Variants in GPC5 observed in about 807,000 individuals in gnomAD.
GPC5 encodes the protein glypican 5, also known as glypican-5.
Under a neutral mutation model 53.9 loss-of-function variants are expected in GPC5, and 47 were observed. The observed-to-expected ratio is 0.87, with a 90% CI of 0.69 to 1.11. GPC5 has a LOEUF of 1.11. Among genes scored for constraint, GPC5 ranks in the 50% most tolerant of loss-of-function variants. The pLI, the probability that GPC5 is intolerant of heterozygous loss-of-function variation, is 0.00. For synonymous variants in GPC5, 286 were observed against 263.3 expected, an observed-to-expected ratio of 1.09 and a Z score of -0.84; for missense variants, 748 against 713.1, an observed-to-expected ratio of 1.05 and a Z score of -0.56.
At chr13:91,811,063 A>T (rs1383059472) in intron 5 of GPC5, among the ~76,000 whole-genome samples, 1 of 151,980 alleles carries the variant, frequency 6.6e-6, no homozygotes, top group Non-Finnish European at 1.5e-5. Context: ...GCCTTCATTA[A>T]ATTTCAAAAT....
chr13:92,187,240 C>T (rs1000151527), intron 7 of GPC5, among the ~76,000 whole-genome samples: 1 of 152,182 alleles, frequency 6.6e-6, no homozygotes, highest in Non-Finnish European at 1.5e-5. Context: ...GAATGGATTG[C>T]AGTAGGTTCT....
At chr13:92,790,550 G>C (rs1226686251) in intron 7 of GPC5, among the ~76,000 whole-genome samples, 1 of 152,084 alleles carries the variant, frequency 6.6e-6, no homozygotes, top group Non-Finnish European at 1.5e-5. Context: ...CTTGTGCGAA[G>C]AATGTAACAT....
At chr13:92,346,512 C>A (rs1179723680) in intron 7 of GPC5, among the ~76,000 whole-genome samples, 2 of 152,146 alleles carry the variant, frequency 1.3e-5, no homozygotes, top group African/African-American at 4.8e-5. Context: ...GGGATTGTCA[C>A]CAACTGGCCT....
chr13:92,083,741 C>G (rs1487250664), intron 6 of GPC5, among the ~76,000 whole-genome samples: 1 of 152,128 alleles, frequency 6.6e-6, no homozygotes, highest in Non-Finnish European at 1.5e-5. Context: ...GCTTCTAGGT[C>G]TTTTAGGAAT....
chr13:92,017,958 A>C (rs2040722201), intron 6 of GPC5, among the ~76,000 whole-genome samples: 1 of 151,690 alleles, frequency 6.6e-6, no homozygotes, highest in African/African-American at 2.4e-5. Flanking sequence ...CACATGCACG[A>C]GTACATACAC....
chr13:91,456,785 G>A (rs1010158453), intron 2 of GPC5, among the ~76,000 whole-genome samples: 4 of 148,522 alleles, frequency 2.7e-5, no homozygotes, highest in Non-Finnish European at 5.9e-5. Flanking sequence ...TGGGTGTTTT[G>A]TTTTGTTTTC....
chr13:92,764,086 C>T (rs990557416), intron 7 of GPC5, among the ~76,000 whole-genome samples: 5 of 152,150 alleles, frequency 3.3e-5, no homozygotes, highest in Non-Finnish European at 5.9e-5. Flanking sequence ...TCAGCTCAGC[C>T]GTGGATGCAT....
intron 6 of GPC5, among the ~76,000 whole-genome samples, chr13:92,036,386 C>A (rs2040893302): frequency 6.6e-6 from 1 of 152,034 alleles, no homozygotes; most frequent in South Asian, 2.1e-4. Context: ...AGTTACTGGC[C>A]AAAATAAATA....
chr13:92,368,653 A>AC (rs2043625741), intron 7 of GPC5, among the ~76,000 whole-genome samples: 1 of 151,538 alleles, frequency 6.6e-6, no homozygotes, highest in South Asian at 2.1e-4. Context: ...AAAAAAAAAA[A>AC]AAAAAAACCT....
chr13:91,467,004 C>T (rs1042532957), intron 2 of GPC5, among the ~76,000 whole-genome samples: 2 of 152,130 alleles, frequency 1.3e-5, no homozygotes, highest in African/African-American at 4.8e-5. Context: ...GCATCCAAAT[C>T]TGAACCGGGT....
intron 7 of GPC5, among the ~76,000 whole-genome samples, chr13:92,633,418 A>G (rs7985637): frequency 0.59 from 90,209 of 151,938 alleles, 27,551 homozygotes; most frequent in East Asian, 0.93. Flanking sequence ...TTATAAAAGT[A>G]TAGATTAATT....
chr13:91,976,390 A>G (rs978607059), intron 6 of GPC5, among the ~76,000 whole-genome samples: 5 of 152,222 alleles, frequency 3.3e-5, no homozygotes, highest in African/African-American at 7.2e-5. Context: ...TAGAAAGCCA[A>G]TTACTGAGAC....
intron 2 of GPC5, among the ~76,000 whole-genome samples, chr13:91,600,459 G>A (rs2139228157): frequency 6.6e-6 from 1 of 151,422 alleles, no homozygotes; most frequent in Admixed American, 6.6e-5. Flanking sequence ...TCCAGCCTGG[G>A]CAACAGAGTG....
At chr13:91,970,896 A>G (rs1410814294) in intron 6 of GPC5, among the ~76,000 whole-genome samples, 1 of 152,184 alleles carries the variant, frequency 6.6e-6, no homozygotes, top group Non-Finnish European at 1.5e-5. Context: ...TTTTGCATCA[A>G]TGTTCATCAA....
intron 2 of GPC5, among the ~76,000 whole-genome samples, chr13:91,581,989 G>T (rs1419551496): frequency 6.6e-6 from 1 of 152,146 alleles, no homozygotes; most frequent in Non-Finnish European, 1.5e-5. Context: ...TGAAACCCAG[G>T]ATGCTAAATT....
At chr13:91,713,244 A>G (rs1230123600) in intron 3 of GPC5, among the ~76,000 whole-genome samples, 4 of 152,180 alleles carry the variant, frequency 2.6e-5, no homozygotes, top group Non-Finnish European at 5.9e-5. Flanking sequence ...ATATTATACT[A>G]CAAGCAAGCA....
intron 6 of GPC5, among the ~76,000 whole-genome samples, chr13:92,049,022 A>AAGACC (rs2041006178): frequency 1.3e-5 from 2 of 152,184 alleles, no homozygotes; most frequent in Non-Finnish European, 2.9e-5. Flanking sequence ...TAGCATGTCA[A>AAGACC]ATTAAAAAGG....
chr13:92,341,180 T>C, intron 7 of GPC5, among the ~76,000 whole-genome samples: 1 of 152,170 alleles, frequency 6.6e-6, no homozygotes, highest in Non-Finnish European at 1.5e-5. Context: ...AAATATCAAA[T>C]TACAGGCATC....
At chr13:92,600,257 A>T (rs1370067490) in intron 7 of GPC5, among the ~76,000 whole-genome samples, 2 of 152,138 alleles carry the variant, frequency 1.3e-5, no homozygotes, top group African/African-American at 4.8e-5. Flanking sequence ...GATATATTTG[A>T]ATATATTTCA....
Sources: allele counts gnomAD v4.1 joint callset (sites outside exome capture counted in the v4.1 genomes callset), GRCh38; gene constraint gnomAD v4.1.1; transcripts MANE v1.5; gene names NCBI Gene and HGNC (gene_info 2026-07-23, HGNC 2026-07-21).